Variants in FTCD observed in about 807,000 individuals in gnomAD.
FTCD encodes the protein formimidoyltransferase cyclodeaminase.
FTCD carries 76 observed loss-of-function variants against 62.9 expected under a neutral mutation model. The ratio of observed to expected loss-of-function variants is 1.21; its 90% CI spans 1.00 to 1.46. The LOEUF is 1.46. FTCD is among the 40% of genes most tolerant of loss of function. FTCD has a pLI of 0.00. For missense variants in FTCD, 845 were observed against 751.3 expected, an observed-to-expected ratio of 1.12 and a Z score of -1.46; for synonymous variants, 397 against 336.9, an observed-to-expected ratio of 1.18 and a Z score of -1.95.
chr21:46,138,951 C>T (rs753824129), intron 10 of FTCD, 28 bp from the exon 11 acceptor site: 25 of 1,592,440 alleles, frequency 1.6e-5, no homozygotes, highest in South Asian at 1.5e-4. Context: ...AACCACTGGG[C>T]GAGGGACCGT....
At position 46,150,407 on chromosome 21, in the gene FTCD, T is replaced by C. The variant is rs1162467397; in HGVS notation, c.755A>G (p.Glu252Gly). The change falls in exon 6 of 14, where the codon GAG (glutamate) becomes GGG (glycine). Residue 252 changes from glutamate (E) to glycine (G), a missense_variant. Coordinates refer to ENST00000397746, the MANE Select transcript of FTCD (RefSeq NM_206965.2). ...EVTALHTVYEETCREAQELSL... is the reference protein window; with the variant it reads ...EVTALHTVYEGTCREAQELSL... ...GCTCACCTGTGCTTCTCGGCAGGTC[T>C]CCTCGTAGACCGTGTGCAGTGCCGT... The C allele has an allele frequency of 6.2e-7, 1 of 1,612,708 alleles. No homozygotes were observed. Among genetic ancestry groups the C allele is most frequent in the Non-Finnish European group, 8.5e-7 (1 of 1,179,942 alleles).
intron 2 of FTCD, 95 bp from the exon 3 acceptor site, chr21:46,153,130 G>A: frequency 1.5e-6 from 2 of 1,319,402 alleles, no homozygotes; most frequent in African/African-American, 1.5e-5. Flanking sequence ...TCCGGCCTGG[G>A]CAGCCCCCAG....
At chr21:46,154,119 G>A (rs758552655) in intron 2 of FTCD, 30 bp downstream of exon 2, 71 of 1,607,304 alleles carry the variant, frequency 4.4e-5, no homozygotes, top group Middle Eastern at 1.7e-4. Context: ...TCTGAGACAC[G>A]GCAGCCACAG....
chr21:46,150,061 CG>C lies in FTCD; in HGVS notation c.906+57del, dbSNP rs1253540016. The C allele has an allele frequency of 2.0e-6, 3 of 1,516,958 alleles. No homozygotes were observed. In the African/African-American group the frequency reaches 4.1e-5, roughly 21 times the overall value. 94.0% of individuals were successfully genotyped at this position (1,516,958 alleles called of 1,614,324 possible). ...GCCCCAGGGCTGTGAGCTCCGCCAC[CG>C]CCTCCCCACCCTCCCTGCACGCCCC... On this transcript the variant is annotated intron_variant, in intron 7 of 13. Coordinates refer to ENST00000397746, the MANE Select transcript of FTCD (RefSeq NM_206965.2).
In FTCD at chr21:46,137,276, T is replaced by A; in HGVS notation, c.1502A>T (p.Asn501Ile). 6 of 1,613,880 alleles carry A rather than the reference T, an allele frequency of 3.7e-6. No homozygotes were observed. Among genetic ancestry groups the A allele is most frequent in the Non-Finnish European group, 5.1e-6 (6 of 1,179,936 alleles). Residue 501 changes from asparagine (N) to isoleucine (I), a missense_variant, in exon 13 of 14, where the codon AAC (asparagine) becomes ATC (isoleucine). Transcript: ENST00000397746. The stretch of plus-strand genomic sequence containing the variant: ...TGCCTCGTCTGTGATGTCCCTCAGG[T>A]TGATGAGCACGTTGAAATATGCGCC... Reference protein sequence around the residue: ...VFGAYFNVLINLRDITDEAFK... With the variant: ...VFGAYFNVLIILRDITDEAFK...
At position 46,150,235 on chromosome 21, in the gene FTCD, C is replaced by CT; in HGVS notation, c.789dup (p.Val264SerfsTer55). The CT allele has an allele frequency of 6.2e-7, 1 of 1,609,682 alleles. No individual in the cohort carries two copies. The highest frequency in any genetic ancestry group is 8.5e-7 in the Non-Finnish European group (1 of 1,178,632). On this transcript the variant is annotated frameshift_variant, in exon 7 of 14. Coordinates refer to ENST00000397746, the MANE Select transcript of FTCD (RefSeq NM_206965.2). LOFTEE classifies it high-confidence loss of function. ...AGGCCCACCAGCTGTGAGCCCACCA[C>CT]TGGGAGGCTCAGCTCCTGCCAAGGC...
chr21:46,154,383 G>C, intron 1 of FTCD, 51 bp from the exon 2 acceptor site: 1 of 1,569,548 alleles, frequency 6.4e-7, no homozygotes, highest in Non-Finnish European at 8.6e-7. Flanking sequence ...TTGAAAGAAG[G>C]AAAAGGAGCT....
Position 46,145,457 on chromosome 21 carries a change from G to T in FTCD, c.1220C>A (p.Thr407Lys), listed in dbSNP as rs148920158. Residue 407 changes from threonine to lysine, a missense_variant, in exon 10 of 14, where the codon ACG (threonine) becomes AAG (lysine). Coordinates refer to ENST00000397746, the MANE Select transcript of FTCD (RefSeq NM_206965.2). ...PFREASAKLTTLVDADAEAFT... is the reference protein window; with the variant it reads ...PFREASAKLTKLVDADAEAFT... ...GGCCTCGGCGTCGGCATCCACCAGC[G>T]TGGTTAGCTTGGCCGAAGCCTCGCG... 2,077 of 1,560,728 alleles carry T rather than the reference G, an allele frequency of 1.3e-3. 17 individuals carry two copies. The highest frequency in any genetic ancestry group is 5.4e-3 in the Middle Eastern group (32 of 5,976).
In FTCD at chr21:46,147,603, A is replaced by C. The variant is rs962759285; in HGVS notation, c.907-1276T>G. ...GCAGCACGCAGCCACGGGCACAGCC[A>C]GACCTGTGCAGGCCGCAGGCATGGG... On this transcript the variant is annotated intron_variant, in intron 7 of 13. Transcript: ENST00000397746. Among the ~76,000 whole-genome samples the C allele has an allele frequency of 4.6e-5, 7 of 152,178 alleles. No individual in the cohort carries two copies. The South Asian group carries it at 1.4e-3, about 32-fold the overall frequency.
In FTCD at chr21:46,155,527, C is replaced by T; in HGVS notation, c.-4G>A. 6.2e-7 allele frequency: 1 copy of T among 1,612,692 alleles called. No individual in the cohort carries two copies. The highest frequency in any genetic ancestry group is 1.1e-5 in the South Asian group (1 of 91,082). ...CGCATTCCACCAGCTGGGACATGGC[C>T]AGCACCTTGATCCAGATGCTCCTCT... On this transcript the variant is annotated 5_prime_UTR_variant, in exon 1 of 14. Transcript: ENST00000397746.
downstream of FTCD, chr21:46,136,631 T>A: frequency 6.7e-7 from 1 of 1,490,528 alleles, no homozygotes; most frequent in Non-Finnish European, 8.9e-7. Context: ...CTGGGGACCC[T>A]GGCGCTGAGG....
In FTCD at chr21:46,154,247, G is replaced by C. The variant is rs200947654; in HGVS notation, c.140C>G (p.Thr47Ser). Residue 47 changes from threonine (T) to serine (S), a missense_variant, in exon 2 of 14, where the codon ACC becomes AGC. Thr to Ser is a moderately conservative substitution (Grantham distance 58). Transcript: ENST00000397746. ...CGGCGGCCCCACGAAGGTGTACACGGTGCGGTTGGTGGAAGGGCCTGCGTC... is the reference window on the plus strand; with the variant it reads ...CGGCGGCCCCACGAAGGTGTACACGCTGCGGTTGGTGGAAGGGCCTGCGTC... Reference protein sequence around the residue: ...DVDAGPSTNRTVYTFVGPPEC... With the variant: ...DVDAGPSTNRSVYTFVGPPEC... The C allele has an allele frequency of 1.5e-5, 24 of 1,612,662 alleles. No homozygotes were observed. The African/African-American group carries it at 3.2e-4, about 22-fold the overall frequency.
chr21:46,138,414 A>T, intron 12 of FTCD, 94 bp downstream of exon 12: 1 of 1,279,638 alleles, frequency 7.8e-7, no homozygotes. Context: ...TACCTGGCTC[A>T]GCCCAGCCAA....
intron 7 of FTCD, among the ~76,000 whole-genome samples, chr21:46,148,483 G>C (rs2079199161): frequency 6.6e-6 from 1 of 152,164 alleles, no homozygotes; most frequent in African/African-American, 2.4e-5. Context: ...GGACTACATA[G>C]TGGTCCTTGC....
rs1345428351 is a variant in FTCD, at chr21:46,138,536, C to T, written c.1415G>A (p.Gly472Glu). The T allele has an allele frequency of 1.9e-6, 3 of 1,586,050 alleles. No homozygotes were observed. Among genetic ancestry groups the T allele is most frequent in the Admixed American group, 3.5e-5 (2 of 57,406 alleles). Residue 472 changes from glycine to glutamate, a missense_variant, in exon 12 of 14, where the codon GGG becomes GAG. Gly to Glu is a moderately conservative substitution (Grantham distance 98, BLOSUM62 -2). Transcript: ENST00000397746. ...GAGGTCTGACCGGCAGGCCAGGTTC[C>T]CACACCGGGCCAGTTCCTGCAGGGC... ...WPALQELARC[G>E]NLACRSDLQV...
intron 1 of FTCD, among the ~76,000 whole-genome samples, 171 bp from the exon 2 acceptor site, chr21:46,154,503 C>G (rs568936230): frequency 6.6e-6 from 1 of 152,138 alleles, no homozygotes; most frequent in South Asian, 2.1e-4. Context: ...ACACAGCGGC[C>G]GCCCGGGAAC....
chr21:46,143,580 G>T (rs1332791742), intron 10 of FTCD, among the ~76,000 whole-genome samples: 1 of 152,182 alleles, frequency 6.6e-6, no homozygotes, highest in African/African-American at 2.4e-5. Flanking sequence ...TCATAACCTA[G>T]GAAAAACCAG....
intron 10 of FTCD, among the ~76,000 whole-genome samples, chr21:46,140,679 T>G (rs1298641669): frequency 6.6e-6 from 1 of 150,910 alleles, no homozygotes; most frequent in African/African-American, 2.5e-5. Flanking sequence ...CACCTTCACG[T>G]GGCTCACAGG....
chr21:46,140,525 G>C (rs75214524), intron 10 of FTCD, among the ~76,000 whole-genome samples: 38 of 100,840 alleles, frequency 3.8e-4, no homozygotes, highest in African/African-American at 1.5e-3. Context: ...GTCCACCTTC[G>C]CATTGCTCAG....
Sources: allele counts gnomAD v4.1 joint callset (sites outside exome capture counted in the v4.1 genomes callset), GRCh38; gene constraint gnomAD v4.1.1; transcripts MANE v1.5; gene names NCBI Gene and HGNC (gene_info 2026-07-23, HGNC 2026-07-21).